The following SDK2 variants were observed in gnomAD, a reference collection of about 807,000 sequenced individuals.
The protein encoded by SDK2 is protein sidekick-2.
A neutral mutation model predicts 253.9 loss-of-function variants in SDK2; 105 were observed. The observed-to-expected ratio is 0.41, with a 90% CI of 0.35 to 0.49. The LOEUF is 0.49. Among genes scored for constraint, SDK2 ranks in the 20% least tolerant of loss-of-function variants. The pLI is 0.06. For synonymous variants in SDK2, 1,249 were observed against 1,234.9 expected, an observed-to-expected ratio of 1.01 and a Z score of -0.24; for missense variants, 2,608 against 3,003.0, an observed-to-expected ratio of 0.87 and a Z score of 3.07.
At chr17:73,365,132 G>A (rs1038610611) in intron 38 of SDK2, 126 bp downstream of exon 38, 12 of 639,290 alleles carry the variant, frequency 1.9e-5, no homozygotes, top group East Asian at 6.5e-5. Flanking sequence ...CTCAGTTTCC[G>A]TGTTTATAAG....
intron 1 of SDK2, among the ~76,000 whole-genome samples, chr17:73,542,862 T>G (rs989153086): frequency 6.6e-6 from 1 of 152,062 alleles, no homozygotes; most frequent in Non-Finnish European, 1.5e-5. Context: ...GGGCAGGAGA[T>G]TCCCGGAAAT....
intron 1 of SDK2, among the ~76,000 whole-genome samples, chr17:73,608,813 G>A (rs537271545): frequency 1.6e-4 from 25 of 152,140 alleles, no homozygotes; most frequent in Non-Finnish European, 3.1e-4. Context: ...TCAAGGGAAG[G>A]GAGATCATGT....
chr17:73,541,645 C>T lies in SDK2; in HGVS notation c.65-34048G>A, dbSNP rs2044870947. Among the ~76,000 whole-genome samples the T allele has an allele frequency of 1.3e-5, 2 of 152,162 alleles. No homozygotes were observed. Among genetic ancestry groups the T allele is most frequent in the African/African-American group, 2.4e-5 (1 of 41,436 alleles). ...TCATTTCTCGTGGCGTGTTTACCTTCCTGATTTTGCCTGCTTTTGTTTGGT... is the reference window on the plus strand; with the variant it reads ...TCATTTCTCGTGGCGTGTTTACCTTTCTGATTTTGCCTGCTTTTGTTTGGT... On this transcript the variant is annotated intron_variant, in intron 1 of 44. Coordinates refer to ENST00000392650, the MANE Select transcript of SDK2 (RefSeq NM_001144952.2). This position sits in a 1 kb window ranked among gnomAD's most constrained non-coding sequence, Gnocchi z 4.3.
At chr17:73,564,118 T>A (rs971928741) in intron 1 of SDK2, among the ~76,000 whole-genome samples, 3 of 152,248 alleles carry the variant, frequency 2.0e-5, no homozygotes, top group African/African-American at 7.2e-5. Context: ...CACCTTGCTT[T>A]ACGTTTTTCT....
At position 73,467,876 on chromosome 17, in the gene SDK2, G is replaced by A. The variant is rs990755636; in HGVS notation, c.331+4236C>T. On this transcript the variant is annotated intron_variant, in intron 3 of 44. Transcript: ENST00000392650. The surrounding 1 kb of genome is among the most constrained non-coding windows in gnomAD (Gnocchi z 4.1). ...ATGCAGCTTCCCAGCGCTGGTTTCA[G>A]GGAGCTGCAGCTGGTGGACAGGGGG... is the stretch of plus-strand genomic sequence containing the variant. 1.3e-5 allele frequency among the ~76,000 whole-genome samples: 2 copies of A among 152,330 alleles called. No individual in the cohort carries two copies. Among genetic ancestry groups the A allele is most frequent in the Admixed American group, 6.5e-5 (1 of 15,306 alleles).
chr17:73,577,230 T>G lies in SDK2; in HGVS notation c.64+66795A>C, dbSNP rs1405640488. ...TCCACAGGTACTGTTAGCCGAGGTTTAGGAACCCATAAAGAGACCTGTAAA... is the reference window on the plus strand; with the variant it reads ...TCCACAGGTACTGTTAGCCGAGGTTGAGGAACCCATAAAGAGACCTGTAAA... On this transcript the variant is annotated intron_variant, in intron 1 of 44. Transcript: ENST00000392650. Among the ~76,000 whole-genome samples the G allele has an allele frequency of 2.0e-5, 3 of 152,356 alleles. No homozygotes were observed. In the East Asian group the frequency reaches 5.8e-4, roughly 29 times the overall value.
In SDK2 at chr17:73,405,507, T is replaced by A. The variant is rs1433118341; in HGVS notation, c.2485-3366A>T. Reference sequence around the variant, plus strand: ...ATATATATATATATATATATATATATATATATATATAAAGATCGAGAATGT... The same window carrying A: ...ATATATATATATATATATATATATAAATATATATATAAAGATCGAGAATGT... On this transcript the variant is annotated intron_variant, in intron 18 of 44. Coordinates refer to ENST00000392650, the MANE Select transcript of SDK2 (RefSeq NM_001144952.2). Among the ~76,000 whole-genome samples, 183 of 50,914 alleles carry A rather than the reference T, an allele frequency of 3.6e-3. 14 individuals carry two copies. Among genetic ancestry groups the A allele is most frequent in the African/African-American group, 8.2e-3 (103 of 12,498 alleles). The allele number at this position is 50,914 out of a possible 152,430, so 33.4% of individuals were successfully genotyped here. A position where few individuals can be genotyped will look rare whatever the true frequency, so the allele number is the denominator to read the frequency against.
rs1460207755 is a variant in SDK2, at chr17:73,467,596, A to G, written c.331+4516T>C. On this transcript the variant is annotated intron_variant, in intron 3 of 44. Transcript: ENST00000392650. The surrounding 1 kb of genome is among the most constrained non-coding windows in gnomAD (Gnocchi z 4.1). Reference sequence around the variant, plus strand: ...CTTCAGCTTCTACAGCTAGAGAGGGAGGCCCCCTGGGATGAGGCCAGTGTG... The same window carrying G: ...CTTCAGCTTCTACAGCTAGAGAGGGGGGCCCCCTGGGATGAGGCCAGTGTG... Among the ~76,000 whole-genome samples, 3 of 152,080 alleles carry G rather than the reference A, an allele frequency of 2.0e-5. No homozygotes were observed. The highest frequency in any genetic ancestry group is 2.0e-4 in the Admixed American group (3 of 15,268).
intron 16 of SDK2, among the ~76,000 whole-genome samples, chr17:73,416,355 A>G (rs1015578561): frequency 6.6e-6 from 1 of 151,044 alleles, no homozygotes; most frequent in Non-Finnish European, 1.5e-5. Flanking sequence ...GTGCCACCAC[A>G]CTGGCTAATT....
At chr17:73,469,113 G>A (rs1476756671) in intron 3 of SDK2, among the ~76,000 whole-genome samples, 3 of 152,184 alleles carry the variant, frequency 2.0e-5, no homozygotes, top group Non-Finnish European at 2.9e-5. Flanking sequence ...GTGAGCCACT[G>A]CACCTGGCCA....
chr17:73,533,149 G>A (rs2145806863), intron 1 of SDK2, among the ~76,000 whole-genome samples: 1 of 152,276 alleles, frequency 6.6e-6, no homozygotes, highest in South Asian at 2.1e-4. Flanking sequence ...CATCAAGCAA[G>A]GCCCAGAGAG....
At chr17:73,610,546 C>CA in intron 1 of SDK2, among the ~76,000 whole-genome samples, 1 of 152,356 alleles carries the variant, frequency 6.6e-6, no homozygotes, top group East Asian at 1.9e-4. Context: ...TGCTTCACTG[C>CA]AGCCACAAGA....
intron 1 of SDK2, among the ~76,000 whole-genome samples, chr17:73,533,903 C>T (rs931618354): frequency 1.3e-5 from 2 of 152,176 alleles, no homozygotes; most frequent in Non-Finnish European, 2.9e-5. Flanking sequence ...GTTTACACTC[C>T]ACTTGCTAAT....
At chr17:73,542,612 A>T (rs1484859999) in intron 1 of SDK2, among the ~76,000 whole-genome samples, 2 of 152,036 alleles carry the variant, frequency 1.3e-5, no homozygotes, top group African/African-American at 2.4e-5. Flanking sequence ...GGAGGGGTGG[A>T]GGCAGGGCAG....
At chr17:73,594,254 C>T (rs2045723559) in intron 1 of SDK2, among the ~76,000 whole-genome samples, 1 of 152,128 alleles carries the variant, frequency 6.6e-6, no homozygotes, top group Non-Finnish European at 1.5e-5. Flanking sequence ...TGGACAGCTC[C>T]CTCGACCCTT....
At chr17:73,400,717 G>C (rs755893437) in intron 21 of SDK2, among the ~76,000 whole-genome samples, 1 of 149,210 alleles carries the variant, frequency 6.7e-6, no homozygotes, top group Non-Finnish European at 1.5e-5. Context: ...GCAGTGGTGT[G>C]ATCTCGGCTC....
intron 40 of SDK2, among the ~76,000 whole-genome samples, chr17:73,356,125 G>T (rs1420514655): frequency 1.3e-5 from 2 of 152,240 alleles, no homozygotes; most frequent in Non-Finnish European, 2.9e-5. Flanking sequence ...GCTGTCAGCA[G>T]CAGAGCTGGT....
rs1056447161 is a variant in SDK2 at position 73,455,318 on chromosome 17, C to A, written c.479+588G>T. Among the ~76,000 whole-genome samples, 3 of 152,160 alleles carry A rather than the reference C, an allele frequency of 2.0e-5. No homozygotes were observed. Among genetic ancestry groups the A allele is most frequent in the African/African-American group, 7.2e-5 (3 of 41,436 alleles). The stretch of plus-strand genomic sequence containing the variant: ...CTTCTGCGGAGGTGTGGGGTGTTGG[C>A]TCCATCCTCCTGCCCACAGGCTGGG... On this transcript the variant is annotated intron_variant, in intron 4 of 44. Coordinates refer to ENST00000392650, the MANE Select transcript of SDK2 (RefSeq NM_001144952.2). The surrounding 1 kb of genome is among the most constrained non-coding windows in gnomAD (Gnocchi z 5.0).
rs551656493 is a variant in SDK2, at chr17:73,335,377, T to A, written c.*3210A>T. The stretch of plus-strand genomic sequence containing the variant: ...TGGTGTGAACCTGCTTTGGGTGGAG[T>A]CCCACAGGCAGGGGCCCTGGCATCA... On this transcript the variant is annotated 3_prime_UTR_variant, in exon 45 of 45. Transcript: ENST00000392650. The A allele has an allele frequency of 6.6e-6, 1 of 152,000 alleles. No homozygotes were observed. The highest frequency in any genetic ancestry group is 6.5e-5 in the Admixed American group (1 of 15,272). The allele number at this position is 152,000 out of a possible 1,614,324, so 9.4% of individuals were successfully genotyped here.
Sources: allele counts gnomAD v4.1 joint callset (sites outside exome capture counted in the v4.1 genomes callset), GRCh38; gene constraint gnomAD v4.1.1; non-coding constraint Gnocchi (gnomAD v3.1); transcripts MANE v1.5; gene names NCBI Gene and HGNC (gene_info 2026-07-23, HGNC 2026-07-21).